ERICH6B: variants seen among roughly 807,000 people sequenced by gnomAD.
ERICH6B encodes the protein glutamate-rich protein 6B.
In ERICH6B, 69 loss-of-function variants were observed where a neutral mutation model predicts 80.0. The observed-to-expected ratio is 0.86, with a 90% CI of 0.71 to 1.05. The LOEUF (loss-of-function observed/expected upper bound fraction) is 1.05. ERICH6B is among the 50% of genes least tolerant of loss of function. The pLI, the probability that ERICH6B is intolerant of heterozygous loss-of-function variation, is 0.00. For missense variants in ERICH6B, 754 were observed against 796.1 expected (o/e 0.95, Z 0.64); for synonymous variants, 283 against 291.9 (o/e 0.97, Z 0.31).
intron 4 of ERICH6B, among the ~76,000 whole-genome samples, chr13:45,590,148 C>T (rs1342236771): frequency 6.6e-6 from 1 of 151,540 alleles, no homozygotes; most frequent in Non-Finnish European, 1.5e-5. Flanking sequence ...CGTAGCAGGC[C>T]CAGCATATTC....
chr13:45,587,996 T>G (rs951132979), intron 4 of ERICH6B, among the ~76,000 whole-genome samples: 2 of 152,190 alleles, frequency 1.3e-5, no homozygotes, highest in African/African-American at 4.8e-5. Context: ...TAGACTTTGG[T>G]GTCAGCTCTT....
Position 45,561,405 on chromosome 13 carries a change from T to C in ERICH6B, c.1371A>G (p.Leu457=). The part of the protein sequence containing the change: ...PQRVVHHRKK[L]ERDKEWIQKK... ...TCTGTATCCATTCCTTATCTCGTTC[T>C]AATTTCTTCCTATGATGAACAACAC... Residue 457 remains leucine (L), a synonymous_variant, in exon 11 of 15, where the codon TTA becomes TTG. Coordinates refer to ENST00000298738, the MANE Select transcript of ERICH6B (RefSeq NM_182542.3). 1 of 1,552,394 alleles carries C rather than the reference T, an allele frequency of 6.4e-7. No individual in the cohort carries two copies. The highest frequency in any genetic ancestry group is 8.7e-7 in the Non-Finnish European group (1 of 1,147,148).
rs116065214 is a variant in ERICH6B at position 45,564,492 on chromosome 13, A to G, written c.1188-704T>C. The stretch of plus-strand genomic sequence containing the variant: ...GAAAAGGAGGCCTTTGCCATTGCAG[A>G]TTTTAAATCCTTAGATCAGATTCCT... On this transcript the variant is annotated intron_variant, in intron 9 of 14. Transcript: ENST00000298738. Among the ~76,000 whole-genome samples, 257 of 152,362 alleles carry G rather than the reference A, an allele frequency of 1.7e-3. 2 individuals carry two copies. The highest frequency in any genetic ancestry group is 5.7e-3 in the African/African-American group (236 of 41,586).
chr13:45,544,761 T>C lies in ERICH6B; in HGVS notation c.1871A>G (p.Lys624Arg), dbSNP rs1873922360. The change falls in exon 14 of 15, where the codon AAG becomes AGG. Residue 624 changes from lysine (K) to arginine (R), a missense_variant and splice_region_variant. Transcript: ENST00000298738. ...QICLNLGTRYKFVIPEVLSEM... is the reference protein window; with the variant it reads ...QICLNLGTRYRFVIPEVLSEM... ...GGGTATGGGGAGTTGTGACCTTACCTTGTACCTGGTGCCCAGGTTTAAACA... is the reference window on the plus strand; with the variant it reads ...GGGTATGGGGAGTTGTGACCTTACCCTGTACCTGGTGCCCAGGTTTAAACA... The C allele has an allele frequency of 6.4e-7, 1 of 1,551,492 alleles. No homozygotes were observed. The highest frequency in any genetic ancestry group is 8.7e-7 in the Non-Finnish European group (1 of 1,146,964).
At chr13:45,599,319 G>C (rs960148947) in intron 2 of ERICH6B, among the ~76,000 whole-genome samples, 1 of 152,186 alleles carries the variant, frequency 6.6e-6, no homozygotes, top group Non-Finnish European at 1.5e-5. Context: ...AGTAAAGGGG[G>C]AGCCTGTGCG....
intron 2 of ERICH6B, among the ~76,000 whole-genome samples, chr13:45,606,545 A>AG (rs1566307921): frequency 0.11 from 1,370 of 12,774 alleles, 154 homozygotes; most frequent in African/African-American, 0.22. Flanking sequence ...ATATATATAT[A>AG]TATTTTTTTT....
At chr13:45,597,354 A>G (rs1876442014) in intron 2 of ERICH6B, among the ~76,000 whole-genome samples, 1 of 152,252 alleles carries the variant, frequency 6.6e-6, no homozygotes, top group African/African-American at 2.4e-5. Flanking sequence ...TGCTACTGCT[A>G]GAGAAGATTT....
At chr13:45,599,610 CTTA>C (rs1949813206) in intron 2 of ERICH6B, among the ~76,000 whole-genome samples, 1 of 152,140 alleles carries the variant, frequency 6.6e-6, no homozygotes, top group African/African-American at 2.4e-5. Flanking sequence ...AGAGGACTTA[CTTA>C]TTATTCTCAC....
In ERICH6B at chr13:45,549,887, G is replaced by T. The variant is rs964340269; in HGVS notation, c.1646+6C>A. 5 of 1,549,166 alleles carry T rather than the reference G, an allele frequency of 3.2e-6. No individual in the cohort carries two copies. In the African/African-American group the frequency reaches 5.5e-5, roughly 17 times the overall value. ...GGAGTGTTAGGGACTCATGACCCAA[G>T]CTTACCAGATATCACTATTTTCATC... On this transcript the variant is annotated splice_donor_region_variant and intron_variant, in intron 13 of 14. Coordinates refer to ENST00000298738, the MANE Select transcript of ERICH6B (RefSeq NM_182542.3).
At chr13:45,595,990 T>C (rs1876351305) in intron 3 of ERICH6B, among the ~76,000 whole-genome samples, 1 of 152,202 alleles carries the variant, frequency 6.6e-6, no homozygotes, top group Non-Finnish European at 1.5e-5. Flanking sequence ...CATGTATTAC[T>C]CGTGTAATAT....
chr13:45,552,988 T>A (rs1296533199), intron 11 of ERICH6B: 1 of 189,182 alleles, frequency 5.3e-6, no homozygotes, highest in Non-Finnish European at 1.1e-5. Context: ...TAAGCAATGT[T>A]CTGAGCGGAT....
intron 9 of ERICH6B, among the ~76,000 whole-genome samples, chr13:45,565,930 G>A (rs1041359181): frequency 6.6e-6 from 1 of 152,302 alleles, no homozygotes; most frequent in South Asian, 2.1e-4. Context: ...AGGAAAATAC[G>A]GGAAAGTTTG....
intron 9 of ERICH6B, among the ~76,000 whole-genome samples, chr13:45,565,283 G>A (rs1258478155): frequency 6.6e-6 from 1 of 152,244 alleles, no homozygotes; most frequent in African/African-American, 2.4e-5. Context: ...ACCTGAACTT[G>A]CCCACGTGAT....
chr13:45,566,295 G>T (rs1874910168), intron 9 of ERICH6B, among the ~76,000 whole-genome samples: 1 of 152,218 alleles, frequency 6.6e-6, no homozygotes, highest in South Asian at 2.1e-4. Context: ...CCTATTTTCT[G>T]AGAAGAAAAT....
chr13:45,574,809 G>GGT (rs1010754784), intron 8 of ERICH6B, 33 bp downstream of exon 8: 10 of 244,140 alleles, frequency 4.1e-5, no homozygotes, highest in Middle Eastern at 8.4e-4. Flanking sequence ...GGAGGAAGCT[G>GGT]GGGGGGGGGT....
chr13:45,606,505 GTATA>G (rs58856558), intron 2 of ERICH6B, among the ~76,000 whole-genome samples: 13 of 28,690 alleles, frequency 4.5e-4, no homozygotes, highest in South Asian at 2.5e-3. Context: ...AAGTGTATGT[GTATA>G]TATATATATA....
chr13:45,549,811 A>C, intron 13 of ERICH6B, 82 bp downstream of exon 13: 1 of 1,408,738 alleles, frequency 7.1e-7, no homozygotes, highest in South Asian at 1.4e-5. Flanking sequence ...ACAGGGAGGA[A>C]GTTCATACAG....
chr13:45,577,186 C>T lies in ERICH6B; in HGVS notation c.962-2256G>A, dbSNP rs568120186. On this transcript the variant is annotated intron_variant, in intron 7 of 14. Coordinates refer to ENST00000298738, the MANE Select transcript of ERICH6B (RefSeq NM_182542.3). ...ACAATAAGACTCATCCTGAGGGTGG[C>T]TCAGAGGACCAGTGCTAATGTAGGT... is the stretch of plus-strand genomic sequence containing the variant. 2.6e-5 allele frequency among the ~76,000 whole-genome samples: 4 copies of T among 151,806 alleles called. No individual in the cohort carries two copies. In the South Asian group the frequency reaches 8.3e-4, roughly 32 times the overall value.
chr13:45,606,507 A>G (rs200827978), intron 2 of ERICH6B, among the ~76,000 whole-genome samples: 467 of 25,946 alleles, frequency 0.018, 10 homozygotes, highest in African/African-American at 0.04. Context: ...GTGTATGTGT[A>G]TATATATATA....
Sources: gnomAD v4.1 joint callset for allele counts (sites outside exome capture counted in the v4.1 genomes callset) on GRCh38, gnomAD v4.1.1 for gene constraint, MANE v1.5 for transcripts, NCBI Gene and HGNC (gene_info 2026-07-23, HGNC 2026-07-21) for gene names.